EIF5: variants seen among roughly 807,000 people sequenced by gnomAD.
EIF5 encodes the protein eukaryotic translation initiation factor 5.
Under a neutral mutation model 48.3 loss-of-function variants are expected in EIF5, and 10 were observed. That is an observed-to-expected ratio of 0.21 (90% CI 0.13 to 0.35). The LOEUF is 0.35. Ranked by LOEUF, EIF5 falls within the 10% of genes least tolerant of loss-of-function variation. EIF5 has a pLI of 1.00. For synonymous variants in EIF5, 237 were observed against 173.1 expected, an observed-to-expected ratio of 1.37 and a Z score of -2.90; for missense variants, 397 against 533.2, an observed-to-expected ratio of 0.74 and a Z score of 2.51.
chr14:103,342,468 A>G lies in EIF5; in HGVS notation c.*1416A>G, dbSNP rs1475467893. 3 of 152,248 alleles carry G rather than the reference A, an allele frequency of 2.0e-5. No homozygotes were observed. The highest frequency in any genetic ancestry group is 3.8e-4 in the East Asian group (2 of 5,206). The allele number at this position is 152,248 out of a possible 1,614,324, so 9.4% of individuals were successfully genotyped here. ...CAGTTACCCTTTTCACAAAGTGCAC[A>G]GTGGGAATCGAGAATCGATAGGGTT... On this transcript the variant is annotated 3_prime_UTR_variant, in exon 12 of 12. Transcript: ENST00000216554.
At position 103,336,038 on chromosome 14, in the gene EIF5, T is replaced by G; in HGVS notation, c.75T>G (p.Val25=). The G allele has an allele frequency of 6.2e-7, 1 of 1,614,162 alleles. No homozygotes were observed. Among genetic ancestry groups the G allele is most frequent in the Non-Finnish European group, 8.5e-7 (1 of 1,180,032 alleles). The part of the protein sequence containing the change: ...RYKMPRLIAK[V]EGKGNGIKTV... ...ACTAAAATTCTTATTTCCTTTAGGTTGAGGGCAAAGGCAATGGAATCAAGA... is the reference window on the plus strand; with the variant it reads ...ACTAAAATTCTTATTTCCTTTAGGTGGAGGGCAAAGGCAATGGAATCAAGA... Residue 25 remains valine (V), a splice_region_variant and synonymous_variant, in exon 4 of 12, where the codon GTT becomes GTG. Transcript: ENST00000216554.
chr14:103,341,263 A>G lies in EIF5; in HGVS notation c.*211A>G. 2.1e-6 allele frequency: 1 copy of G among 478,758 alleles called. No individual in the cohort carries two copies. The allele number at this position is 478,758 out of a possible 1,614,324, so 29.7% of individuals were successfully genotyped here. ...ATCAGTGAGCAGATGTAGTTTGCTT[A>G]TTTATAGCATGTTTCTTTTTGAAAA... is the stretch of plus-strand genomic sequence containing the variant. On this transcript the variant is annotated 3_prime_UTR_variant, in exon 12 of 12. Coordinates refer to ENST00000216554, the MANE Select transcript of EIF5 (RefSeq NM_001969.5).
intron 8 of EIF5, 133 bp downstream of exon 8, chr14:103,339,026 T>C: frequency 6.8e-7 from 1 of 1,477,656 alleles, no homozygotes; most frequent in South Asian, 1.4e-5. Flanking sequence ...CATTTAAATA[T>C]TTTTTGCGCG....
chr14:103,337,758 A>ATC, intron 6 of EIF5: 1 of 439,114 alleles, frequency 2.3e-6, no homozygotes, highest in East Asian at 5.7e-5. Flanking sequence ...TAGATGAAGT[A>ATC]ATGACTAAAA....
chr14:103,337,281 G>C, intron 6 of EIF5, 54 bp downstream of exon 6: 1 of 1,458,786 alleles, frequency 6.9e-7, no homozygotes. Flanking sequence ...CTAACTGTTG[G>C]GAACAAAATA....
intron 4 of EIF5, 122 bp from the exon 5 acceptor site, chr14:103,336,555 T>A: frequency 9.1e-7 from 1 of 1,104,102 alleles, no homozygotes; most frequent in East Asian, 2.6e-5. Context: ...CACTCCAGCC[T>A]GGGTGACAGA....
chr14:103,343,193 A>T lies in EIF5; in HGVS notation c.*2141A>T, dbSNP rs1007697936. 3 of 152,636 alleles carry T rather than the reference A, an allele frequency of 2.0e-5. No individual in the cohort carries two copies. Among genetic ancestry groups the T allele is most frequent in the Non-Finnish European group, 4.4e-5 (3 of 68,052 alleles). 9.5% of individuals were successfully genotyped at this position (152,636 alleles called of 1,614,324 possible). On this transcript the variant is annotated 3_prime_UTR_variant, in exon 12 of 12. Coordinates refer to ENST00000216554, the MANE Select transcript of EIF5 (RefSeq NM_001969.5). ...TGTATTTTGTCTTTGCTTTAATATT[A>T]AAGTTAACAAGTTTTCATTTTATAA...
At position 103,341,084 on chromosome 14, in the gene EIF5, ATGC is replaced by A; in HGVS notation, c.*36_*38del. The A allele has an allele frequency of 1.2e-6, 2 of 1,604,264 alleles. No individual in the cohort carries two copies. The highest frequency in any genetic ancestry group is 1.7e-6 in the Non-Finnish European group (2 of 1,171,690). On this transcript the variant is annotated 3_prime_UTR_variant, in exon 12 of 12. Transcript: ENST00000216554. Reference sequence around the variant, plus strand: ...GGATGCAACCTAGCTTAACAGTATAATGCTGCAAATTTTCCTCCATTATCAGCC... The same window carrying A: ...GGATGCAACCTAGCTTAACAGTATAATGCAAATTTTCCTCCATTATCAGCC...
rs532040550 is a variant in EIF5, at chr14:103,339,036, G to A, written c.745-136G>A. 275 of 1,467,096 alleles carry A rather than the reference G, an allele frequency of 1.9e-4. No homozygotes were observed. In the African/African-American group the frequency reaches 2.6e-3, roughly 14 times the overall value. 90.9% of individuals were successfully genotyped at this position (1,467,096 alleles called of 1,614,324 possible). A position where few individuals can be genotyped will look rare whatever the true frequency, so the allele number is the denominator to read the frequency against. The stretch of plus-strand genomic sequence containing the variant: ...TTGTTCATTTAAATATTTTTTGCGC[G>A]TGATTCCAGGCACTATGTGTCACAA... On this transcript the variant is annotated intron_variant, in intron 8 of 11. Transcript: ENST00000216554.
At chr14:103,340,769 TA>T (rs78159990) in intron 11 of EIF5, among the ~76,000 whole-genome samples, 193 bp from the exon 12 acceptor site, 9,730 of 152,242 alleles carry the variant, frequency 0.064, 362 homozygotes, top group African/African-American at 0.089. Context: ...TTATAGTCTA[TA>T]AAAAAACTTT....
In EIF5 at chr14:103,335,771, A is replaced by G; in HGVS notation, c.-90A>G. On this transcript the variant is annotated 5_prime_UTR_variant, in exon 3 of 12. An upstream start codon of the reference 5' UTR is lost. Transcript: ENST00000216554. ...AGACCGAGAACTCTTGCAGTCGTTTATGTCATCCCTTCTTCTCCAGACAGA... is the reference window on the plus strand; with the variant it reads ...AGACCGAGAACTCTTGCAGTCGTTTGTGTCATCCCTTCTTCTCCAGACAGA... The G allele has an allele frequency of 7.8e-7, 1 of 1,278,146 alleles. No homozygotes were observed. Among genetic ancestry groups the G allele is most frequent in the Non-Finnish European group, 1.1e-6 (1 of 888,802 alleles). The allele number at this position is 1,278,146 out of a possible 1,614,324, so 79.2% of individuals were successfully genotyped here. A position where few individuals can be genotyped will look rare whatever the true frequency, so the allele number is the denominator to read the frequency against.
At chr14:103,336,328 C>G in intron 4 of EIF5, 1 of 630,984 alleles carries the variant, frequency 1.6e-6, no homozygotes, top group East Asian at 2.8e-5. Context: ...ACACCTGTAA[C>G]CCCCAGCACT....
rs2089349932 is a variant in EIF5, at chr14:103,341,290, CTAG to C, written c.*240_*242del. 9.3e-6 allele frequency: 4 copies of C among 431,526 alleles called. No homozygotes were observed. Among genetic ancestry groups the C allele is most frequent in the Non-Finnish European group, 1.7e-5 (4 of 233,708 alleles). 26.7% of individuals were successfully genotyped at this position (431,526 alleles called of 1,614,324 possible). ...TTATAGCATGTTTCTTTTTGAAAAA[CTAG>C]TGGTGGACACATTTGGATCACATTT... On this transcript the variant is annotated 3_prime_UTR_variant, in exon 12 of 12. Coordinates refer to ENST00000216554, the MANE Select transcript of EIF5 (RefSeq NM_001969.5).
chr14:103,339,051 ATG>A (rs1317518709), intron 8 of EIF5, 119 bp from the exon 9 acceptor site: 2 of 1,470,678 alleles, frequency 1.4e-6, no homozygotes, highest in African/African-American at 2.8e-5. Flanking sequence ...TCCAGGCACT[ATG>A]TGTCACAACT....
At chr14:103,335,036 G>A (rs2089267399) in intron 2 of EIF5, 1 of 152,262 alleles carries the variant, frequency 6.6e-6, no homozygotes, top group Non-Finnish European at 1.5e-5. Context: ...GCCTCGGAGC[G>A]CGGTAGCCAT....
At position 103,340,435 on chromosome 14, in the gene EIF5, G is replaced by A; in HGVS notation, c.1080G>A (p.Lys360=). 1.2e-6 allele frequency: 2 copies of A among 1,600,936 alleles called. No homozygotes were observed. The highest frequency in any genetic ancestry group is 1.7e-6 in the Non-Finnish European group (2 of 1,168,988). ...VIISWSEKAS[K]KYVSKELAKE... Reference sequence around the variant, plus strand: ...GTACTCACATTTTTTAGGCCTCTAAGAAATATGTCTCCAAAGAACTTGCCA... The same window carrying A: ...GTACTCACATTTTTTAGGCCTCTAAAAAATATGTCTCCAAAGAACTTGCCA... Residue 360 remains lysine (K), a synonymous_variant, in exon 11 of 12, where the codon AAG becomes AAA. Coordinates refer to ENST00000216554, the MANE Select transcript of EIF5 (RefSeq NM_001969.5).
chr14:103,338,443 A>C lies in EIF5; in HGVS notation c.556A>C (p.Asn186His). The C allele has an allele frequency of 6.3e-7, 1 of 1,581,170 alleles. No homozygotes were observed. The highest frequency in any genetic ancestry group is 8.6e-7 in the Non-Finnish European group (1 of 1,162,654). Residue 186 changes from asparagine (N) to histidine (H), a missense_variant, in exon 7 of 12, where the codon AAT becomes CAT. Asn to His is a moderately conservative substitution (Grantham distance 68). Coordinates refer to ENST00000216554, the MANE Select transcript of EIF5 (RefSeq NM_001969.5). ...SETPPPPPPP[N>H]EINPPPHTME... ...GACACCACCACCACCACCACCACCA[A>C]ATGAAATTAATCCTCCTCCACATAC...
In EIF5 at chr14:103,344,678, A is replaced by ATT. The variant is rs1231314315; in HGVS notation, c.*3626_*3627insTT. ...CCACCCAATTTTGCTATGAGCCTAA[A>ATT]ACCTCTTTAAAAACGGTCAGTTAAC... On this transcript the variant is annotated 3_prime_UTR_variant, in exon 12 of 12. Transcript: ENST00000216554. 1 of 152,242 alleles carries ATT rather than the reference A, an allele frequency of 6.6e-6. No homozygotes were observed. 9.4% of individuals were successfully genotyped at this position (152,242 alleles called of 1,614,324 possible). A position where few individuals can be genotyped will look rare whatever the true frequency, so the allele number is the denominator to read the frequency against.
At chr14:103,339,586 G>A in intron 9 of EIF5, 53 bp from the exon 10 acceptor site, 1 of 1,610,930 alleles carries the variant, frequency 6.2e-7, no homozygotes, top group East Asian at 2.2e-5. Flanking sequence ...TAATAGAGTT[G>A]TCAACTTAGA....
Sources: gnomAD v4.1 joint callset for allele counts (sites outside exome capture counted in the v4.1 genomes callset) on GRCh38, gnomAD v4.1.1 for gene constraint, MANE v1.5 for transcripts, NCBI Gene and HGNC (gene_info 2026-07-23, HGNC 2026-07-21) for gene names.